The following CNTNAP5 variants were observed in gnomAD, a reference collection of about 807,000 sequenced individuals.
CNTNAP5 encodes contactin associated protein family member 5, also known as contactin-associated protein-like 5.
Under a neutral mutation model 150.2 loss-of-function variants are expected in CNTNAP5, and 72 were observed. The observed-to-expected ratio is 0.48, with a 90% CI of 0.40 to 0.58. The LOEUF is 0.58. Among genes scored for constraint, CNTNAP5 ranks in the 20% least tolerant of loss-of-function variants. The pLI, the probability that CNTNAP5 is intolerant of heterozygous loss-of-function variation, is 0.00. For missense variants in CNTNAP5, 1,636 were observed against 1,626.2 expected (o/e 1.01, Z -0.10); for synonymous variants, 672 against 619.8 (o/e 1.08, Z -1.25).
chr2:124,777,652 C>T (rs1381266957), intron 17 of CNTNAP5, among the ~76,000 whole-genome samples: 1 of 152,038 alleles, frequency 6.6e-6, no homozygotes, highest in Non-Finnish European at 1.5e-5. Context: ...CAGATTGCTC[C>T]CTACTATTTC....
chr2:124,248,168 T>G (rs1292947613), intron 3 of CNTNAP5, among the ~76,000 whole-genome samples: 1 of 152,174 alleles, frequency 6.6e-6, no homozygotes, highest in Non-Finnish European at 1.5e-5. Flanking sequence ...GTTGCACCAC[T>G]GGTTGCTTGC....
chr2:124,842,316 C>T (rs1344696615), intron 19 of CNTNAP5, among the ~76,000 whole-genome samples: 1 of 152,024 alleles, frequency 6.6e-6, no homozygotes, highest in Non-Finnish European at 1.5e-5. Context: ...TGGAGTGTAC[C>T]TTTTATACAT....
At chr2:124,576,144 CTA>C (rs1696277430) in intron 11 of CNTNAP5, among the ~76,000 whole-genome samples, 1 of 78,670 alleles carries the variant, frequency 1.3e-5, no homozygotes, top group Non-Finnish European at 3.2e-5. Flanking sequence ...CTGTATATAT[CTA>C]TATCTATATC....
chr2:124,048,624 C>T (rs563437682), intron 1 of CNTNAP5, among the ~76,000 whole-genome samples: 6 of 152,288 alleles, frequency 3.9e-5, no homozygotes, highest in African/African-American at 1.4e-4. Flanking sequence ...CAAAGGAATA[C>T]AAATTCAAAA....
At chr2:124,476,781 T>C (rs1406325109) in intron 7 of CNTNAP5, among the ~76,000 whole-genome samples, 2 of 152,160 alleles carry the variant, frequency 1.3e-5, no homozygotes, top group African/African-American at 4.8e-5. Context: ...GTCTTTTCTA[T>C]GGCATTTGGC....
intron 1 of CNTNAP5, among the ~76,000 whole-genome samples, chr2:124,214,856 T>C (rs2104730498): frequency 6.6e-6 from 1 of 152,334 alleles, no homozygotes; most frequent in African/African-American, 2.4e-5. Flanking sequence ...AAGCAAGTTC[T>C]GCATCAATCT....
intron 6 of CNTNAP5, among the ~76,000 whole-genome samples, chr2:124,455,886 G>A (rs147828583): frequency 8.5e-5 from 13 of 152,064 alleles, no homozygotes; most frequent in Admixed American, 1.3e-4. Flanking sequence ...TAAAACTCTC[G>A]GCAACATTGG....
intron 2 of CNTNAP5, among the ~76,000 whole-genome samples, chr2:124,225,061 A>C (rs1686421293): frequency 1.3e-5 from 2 of 152,176 alleles, no homozygotes; most frequent in South Asian, 4.1e-4. Context: ...GATGCTCTCG[A>C]ATATACATGC....
intron 1 of CNTNAP5, among the ~76,000 whole-genome samples, chr2:124,125,948 A>T (rs886644390): frequency 6.6e-6 from 1 of 152,222 alleles, no homozygotes; most frequent in African/African-American, 2.4e-5. Context: ...CTAAATGTCC[A>T]CAAGGGAAAG....
intron 3 of CNTNAP5, among the ~76,000 whole-genome samples, chr2:124,265,938 G>A (rs1462564274): frequency 6.6e-6 from 1 of 152,092 alleles, no homozygotes; most frequent in Non-Finnish European, 1.5e-5. Context: ...AGTCCCAAAT[G>A]TGTCTAGTGT....
At chr2:124,298,644 G>A (rs981475058) in intron 3 of CNTNAP5, among the ~76,000 whole-genome samples, 8 of 152,138 alleles carry the variant, frequency 5.3e-5, no homozygotes, top group African/African-American at 1.7e-4. Flanking sequence ...GGTTTGGGGA[G>A]TTTTTTCAGA....
chr2:124,549,867 T>C (rs1027006186), intron 10 of CNTNAP5, among the ~76,000 whole-genome samples: 8 of 152,262 alleles, frequency 5.3e-5, no homozygotes, highest in Non-Finnish European at 1.0e-4. Context: ...TTCATTATTA[T>C]GCAGTGGAAA....
chr2:124,919,832 G>A lies in CNTNAP5; in HGVS notation c.*5544G>A, dbSNP rs1678839147. ...TATTATAATTATCTAACCTGCCCAGGTTAAGCACCCAGATGCAACTTTCAG... is the reference window on the plus strand; with the variant it reads ...TATTATAATTATCTAACCTGCCCAGATTAAGCACCCAGATGCAACTTTCAG... On this transcript the variant is annotated 3_prime_UTR_variant, in exon 24 of 24. Transcript: ENST00000682447. 6.6e-6 allele frequency among the ~76,000 whole-genome samples: 1 copy of A among 151,652 alleles called. No individual in the cohort carries two copies. Among genetic ancestry groups the A allele is most frequent in the African/African-American group, 2.4e-5 (1 of 41,310 alleles).
chr2:124,631,942 G>A (rs575419245), intron 12 of CNTNAP5, among the ~76,000 whole-genome samples: 82 of 152,128 alleles, frequency 5.4e-4, no homozygotes, highest in African/African-American at 1.7e-3. Flanking sequence ...GCACACATGC[G>A]GCCAATAAAC....
chr2:124,546,523 C>A (rs547643290), intron 10 of CNTNAP5, among the ~76,000 whole-genome samples: 37 of 152,232 alleles, frequency 2.4e-4, no homozygotes, highest in African/African-American at 8.7e-4. Flanking sequence ...TTTGGAAATG[C>A]GGCCCTAGAG....
At chr2:124,026,350 T>A (rs989075954) in intron 1 of CNTNAP5, among the ~76,000 whole-genome samples, 7 of 152,170 alleles carry the variant, frequency 4.6e-5, no homozygotes, top group African/African-American at 1.7e-4. Context: ...AGAGCTTTGA[T>A]GCATACCCCA....
chr2:124,504,179 T>C, intron 7 of CNTNAP5, 113 bp from the exon 8 acceptor site: 1 of 1,069,724 alleles, frequency 9.3e-7, no homozygotes, highest in Non-Finnish European at 1.4e-6. Flanking sequence ...ATCTTGCCGC[T>C]GAATGTGGAA....
chr2:124,049,456 T>G (rs1461615980), intron 1 of CNTNAP5, among the ~76,000 whole-genome samples: 2 of 152,224 alleles, frequency 1.3e-5, no homozygotes, highest in Non-Finnish European at 2.9e-5. Flanking sequence ...CTTTTATGTA[T>G]AACTTAGACT....
intron 1 of CNTNAP5, among the ~76,000 whole-genome samples, chr2:124,061,988 C>G (rs755583426): frequency 3.3e-5 from 5 of 152,146 alleles, no homozygotes; most frequent in Non-Finnish European, 7.3e-5. Flanking sequence ...TTCTTCTACA[C>G]GCTGCTGGAT....
Sources: gnomAD v4.1 joint callset for allele counts (sites outside exome capture counted in the v4.1 genomes callset) on GRCh38, gnomAD v4.1.1 for gene constraint, MANE v1.5 for transcripts, NCBI Gene and HGNC (gene_info 2026-07-23, HGNC 2026-07-21) for gene names.